The following ANK3 variants were observed in gnomAD, a reference collection of about 807,000 sequenced individuals.
ANK3 encodes the protein ankyrin 3.
A neutral mutation model predicts 370.9 loss-of-function variants in ANK3; 57 were observed. The ratio of observed to expected loss-of-function variants is 0.15; its 90% CI spans 0.12 to 0.19. ANK3 has a LOEUF of 0.19. Among genes scored for constraint, ANK3 ranks in the 10% least tolerant of loss-of-function variants. The pLI, the probability that ANK3 is intolerant of heterozygous loss-of-function variation, is 1.00. For synonymous variants in ANK3, 1,929 were observed against 1,946.3 expected, an observed-to-expected ratio of 0.99 and a Z score of 0.23; for missense variants, 4,439 against 5,302.1, an observed-to-expected ratio of 0.84 and a Z score of 5.06.
rs7904226 is a variant in ANK3, at chr10:60,355,289, C to T, written c.114+34136G>A. On this transcript the variant is annotated intron_variant, in intron 1 of 43. Coordinates refer to ENST00000280772, the MANE Select transcript of ANK3 (RefSeq NM_020987.5). ...CCAAAAAGTTTAATTGAAACAAAAA[C>T]AAAACCTTATCAAAAAGTCAACACC... is the stretch of plus-strand genomic sequence containing the variant. Among the ~76,000 whole-genome samples, 963 of 152,140 alleles carry T rather than the reference C, an allele frequency of 6.3e-3. 3 individuals are homozygous for T. Among genetic ancestry groups the T allele is most frequent in the Non-Finnish European group, 0.011 (762 of 67,962 alleles).
chr10:60,664,276 T>C (rs1361411779), intron 1 of ANK3, among the ~76,000 whole-genome samples: 2 of 152,258 alleles, frequency 1.3e-5, no homozygotes, highest in East Asian at 3.8e-4. Flanking sequence ...AAAGAGATTT[T>C]ATTATGGGAT....
At chr10:60,651,726 A>G (rs1231140953) in intron 1 of ANK3, among the ~76,000 whole-genome samples, 1 of 152,136 alleles carries the variant, frequency 6.6e-6, no homozygotes, top group Non-Finnish European at 1.5e-5. Flanking sequence ...TAATGAGAGT[A>G]TCTACTTTGT....
chr10:60,586,486 G>A (rs1356997484), intron 2 of ANK3, among the ~76,000 whole-genome samples: 2 of 152,140 alleles, frequency 1.3e-5, no homozygotes, highest in Non-Finnish European at 2.9e-5. Flanking sequence ...TGTGATGGAA[G>A]ATACTATACC....
At chr10:60,102,624 G>A (rs2091470658) in intron 28 of ANK3, among the ~76,000 whole-genome samples, 1 of 152,170 alleles carries the variant, frequency 6.6e-6, no homozygotes, top group Non-Finnish European at 1.5e-5. Context: ...AAATTTGATT[G>A]CGTACATGGA....
intron 43 of ANK3, 49 bp from the exon 44 acceptor site, chr10:60,029,875 C>CTTTTTCTTTTTTTTTTTTTTT (rs2072915122): frequency 1.5e-5 from 1 of 68,606 alleles, no homozygotes; most frequent in African/African-American, 6.6e-5. Flanking sequence ...TTTTCTTTTT[C>CTTTTTCTTTTTTTTTTTTTTT]TTTTTTTTTT....
At chr10:60,242,757 C>T (rs991850590) in intron 7 of ANK3, among the ~76,000 whole-genome samples, 1 of 152,196 alleles carries the variant, frequency 6.6e-6, no homozygotes, top group African/African-American at 2.4e-5. Flanking sequence ...AGGACATTCA[C>T]AGGTATTTCA....
chr10:60,414,612 G>A (rs979421796), intron 2 of ANK3, among the ~76,000 whole-genome samples: 4 of 151,986 alleles, frequency 2.6e-5, no homozygotes, highest in Non-Finnish European at 1.5e-5. Flanking sequence ...TGGAAGGAGG[G>A]GAAGGTTTAA....
At chr10:60,560,679 A>G (rs2068044) in intron 2 of ANK3, among the ~76,000 whole-genome samples, 2 of 152,052 alleles carry the variant, frequency 1.3e-5, no homozygotes, top group East Asian at 3.9e-4. Context: ...GTGAAATAAC[A>G]CCACATTTGT....
intron 2 of ANK3, among the ~76,000 whole-genome samples, chr10:60,464,786 T>G (rs2064971353): frequency 6.6e-6 from 1 of 152,170 alleles, no homozygotes; most frequent in Non-Finnish European, 1.5e-5. Flanking sequence ...GTGGAACTAA[T>G]TCTATGCTCA....
At chr10:60,161,252 G>C (rs968879846) in intron 23 of ANK3, among the ~76,000 whole-genome samples, 1 of 152,056 alleles carries the variant, frequency 6.6e-6, no homozygotes, top group African/African-American at 2.4e-5. Flanking sequence ...ACAGAAAATG[G>C]AGAAAGGAGA....
chr10:60,366,662 A>G (rs574692932), intron 1 of ANK3, among the ~76,000 whole-genome samples: 3 of 152,160 alleles, frequency 2.0e-5, no homozygotes, highest in Non-Finnish European at 4.4e-5. Context: ...GAAAGAGGGG[A>G]GGCAGGGAGG....
intron 23 of ANK3, among the ~76,000 whole-genome samples, chr10:60,154,344 G>A (rs2095257774): frequency 6.6e-6 from 1 of 152,130 alleles, no homozygotes; most frequent in African/African-American, 2.4e-5. Context: ...TATTTATTTA[G>A]AATGATTAGG....
At chr10:60,235,907 A>G (rs1002577409) in intron 7 of ANK3, among the ~76,000 whole-genome samples, 1 of 152,170 alleles carries the variant, frequency 6.6e-6, no homozygotes, top group African/African-American at 2.4e-5. Context: ...CACAATCCTC[A>G]TATCATCATA....
rs773497668 is a variant in ANK3, at chr10:60,250,367, A to AT, written c.798+11491dup. Among the ~76,000 whole-genome samples the AT allele has an allele frequency of 4.9e-4, 74 of 151,948 alleles. 1 individual carries two copies. Among genetic ancestry groups the AT allele is most frequent in the Non-Finnish European group, 9.4e-4 (64 of 67,950 alleles). ...ACTGTTAGAACATTTGCTTTTATTT[A>AT]TTTTTTTCTTTTTTTGAGATGGAGT... On this transcript the variant is annotated intron_variant, in intron 7 of 43. Coordinates refer to ENST00000280772, the MANE Select transcript of ANK3 (RefSeq NM_020987.5).
chr10:60,080,521 G>C lies in ANK3; in HGVS notation c.4432+16C>G. 1 of 1,604,330 alleles carries C rather than the reference G, an allele frequency of 6.2e-7. No homozygotes were observed. The highest frequency in any genetic ancestry group is 8.5e-7 in the Non-Finnish European group (1 of 1,172,238). On this transcript the variant is annotated intron_variant, in intron 36 of 43. Coordinates refer to ENST00000280772, the MANE Select transcript of ANK3 (RefSeq NM_020987.5). ...TGAAAATCCACGTAGATTAGTAAAT[G>C]TGTTAGGAAACTCACTCATTCCAGG...
At chr10:60,308,619 G>T (rs2045704244) in intron 1 of ANK3, among the ~76,000 whole-genome samples, 2 of 152,074 alleles carry the variant, frequency 1.3e-5, no homozygotes, top group South Asian at 2.1e-4. Flanking sequence ...ATGAGGTCAA[G>T]GACTCAACAG....
intron 1 of ANK3, chr10:60,300,572 A>T (rs573982491): frequency 1.7e-6 from 2 of 1,172,604 alleles, no homozygotes; most frequent in African/African-American, 3.2e-5. Context: ...TAAACAGCAT[A>T]GTACCTCCCA....
intron 2 of ANK3, among the ~76,000 whole-genome samples, chr10:60,442,989 T>G (rs1391577357): frequency 6.6e-6 from 1 of 152,232 alleles, no homozygotes; most frequent in Non-Finnish European, 1.5e-5. Context: ...CAACATTATC[T>G]GTCTTCAACT....
chr10:60,158,088 C>T (rs772987687), intron 23 of ANK3, among the ~76,000 whole-genome samples: 2 of 152,020 alleles, frequency 1.3e-5, no homozygotes, highest in Non-Finnish European at 2.9e-5. Flanking sequence ...GGTATATAGT[C>T]ATCAAACTCT....
Sources: gnomAD v4.1 joint callset for allele counts (sites outside exome capture counted in the v4.1 genomes callset) on GRCh38, gnomAD v4.1.1 for gene constraint, MANE v1.5 for transcripts, NCBI Gene and HGNC (gene_info 2026-07-23, HGNC 2026-07-21) for gene names.